The following SH3GL3 variants were observed in gnomAD, a reference collection of about 807,000 sequenced individuals.
SH3GL3 encodes the protein endophilin-A3.
Under a neutral mutation model 47.7 loss-of-function variants are expected in SH3GL3, and 33 were observed. The ratio of observed to expected loss-of-function variants is 0.69; its 90% CI spans 0.52 to 0.92. The LOEUF is 0.92. SH3GL3 is among the 40% of genes least tolerant of loss of function. The pLI is 0.00. For missense variants in SH3GL3, 363 were observed against 417.8 expected, an observed-to-expected ratio of 0.87 and a Z score of 1.14; for synonymous variants, 155 against 148.8, an observed-to-expected ratio of 1.04 and a Z score of -0.30.
chr15:83,554,919 T>C (rs972748397), intron 1 of SH3GL3, among the ~76,000 whole-genome samples: 2 of 152,224 alleles, frequency 1.3e-5, no homozygotes, highest in Non-Finnish European at 2.9e-5. Context: ...TTTCCTTCAA[T>C]TACAGAAGAT....
At chr15:83,572,471 T>A in intron 4 of SH3GL3, 94 bp from the exon 5 acceptor site, 1 of 1,074,252 alleles carries the variant, frequency 9.3e-7, no homozygotes. Flanking sequence ...TACACCATCA[T>A]CCACACACTT....
chr15:83,449,241 A>G (rs2039610594), intron 1 of SH3GL3, among the ~76,000 whole-genome samples: 1 of 152,158 alleles, frequency 6.6e-6, no homozygotes. Context: ...GGAAAGAAAG[A>G]ACTCGTAGAT....
intron 1 of SH3GL3, among the ~76,000 whole-genome samples, chr15:83,520,596 A>G (rs1020854384): frequency 6.6e-6 from 1 of 152,178 alleles, no homozygotes; most frequent in Non-Finnish European, 1.5e-5. Context: ...ACTGAGCTAC[A>G]TGCTTCAGAG....
chr15:83,567,193 C>G (rs910552953), intron 3 of SH3GL3, among the ~76,000 whole-genome samples: 1 of 152,114 alleles, frequency 6.6e-6, no homozygotes, highest in East Asian at 1.9e-4. Flanking sequence ...TTAGGTCAAA[C>G]CAGCCTACTC....
At chr15:83,481,568 A>C (rs569378398) in intron 1 of SH3GL3, among the ~76,000 whole-genome samples, 1 of 152,188 alleles carries the variant, frequency 6.6e-6, no homozygotes, top group Non-Finnish European at 1.5e-5. Context: ...ATATTTCTTA[A>C]GAGCTGAAAT....
chr15:83,604,710 C>T (rs1020367702), intron 8 of SH3GL3, among the ~76,000 whole-genome samples: 3 of 152,128 alleles, frequency 2.0e-5, no homozygotes, highest in African/African-American at 7.2e-5. Context: ...ATCTCTAGTA[C>T]TATTTTTAGT....
intron 4 of SH3GL3, among the ~76,000 whole-genome samples, chr15:83,570,231 G>C (rs1299326709): frequency 6.6e-6 from 1 of 152,066 alleles, no homozygotes; most frequent in Non-Finnish European, 1.5e-5. Context: ...CAAATAAATA[G>C]CTTGTTTCAG....
chr15:83,608,162 G>A (rs2060576321), intron 8 of SH3GL3, among the ~76,000 whole-genome samples: 1 of 152,188 alleles, frequency 6.6e-6, no homozygotes, highest in African/African-American at 2.4e-5. Flanking sequence ...GATTAAGCTT[G>A]AGTTCCATTG....
At chr15:83,510,735 TGAAG>T (rs2151628733) in intron 1 of SH3GL3, among the ~76,000 whole-genome samples, 1 of 152,166 alleles carries the variant, frequency 6.6e-6, no homozygotes, top group Non-Finnish European at 1.5e-5. Flanking sequence ...AAAGGGTCCA[TGAAG>T]CAGCTATGTG....
intron 1 of SH3GL3, among the ~76,000 whole-genome samples, chr15:83,513,614 T>C (rs935671366): frequency 6.6e-6 from 1 of 152,194 alleles, no homozygotes; most frequent in Non-Finnish European, 1.5e-5. Context: ...ACTTCCCTCA[T>C]GCTCCACCGC....
At chr15:83,572,312 G>T (rs773746473) in intron 4 of SH3GL3, among the ~76,000 whole-genome samples, 12 of 152,250 alleles carry the variant, frequency 7.9e-5, no homozygotes, top group Middle Eastern at 3.4e-3. Flanking sequence ...TGGTCCAAAT[G>T]GTAAGTACTT....
At chr15:83,610,262 C>T (rs929578449) in intron 8 of SH3GL3, among the ~76,000 whole-genome samples, 2 of 152,150 alleles carry the variant, frequency 1.3e-5, no homozygotes, top group Admixed American at 6.5e-5. Context: ...GAAGGCTGGG[C>T]GTGGTAGCTC....
chr15:83,476,073 A>G (rs1046095458), intron 1 of SH3GL3, among the ~76,000 whole-genome samples: 4 of 152,232 alleles, frequency 2.6e-5, no homozygotes, highest in Non-Finnish European at 5.9e-5. Context: ...TTTAATCCTC[A>G]TAACTATCAA....
At chr15:83,505,752 A>G (rs2042475660) in intron 1 of SH3GL3, among the ~76,000 whole-genome samples, 1 of 151,892 alleles carries the variant, frequency 6.6e-6, no homozygotes, top group African/African-American at 2.4e-5. Context: ...CTGGTCACGA[A>G]CTCCTGACCT....
intron 1 of SH3GL3, among the ~76,000 whole-genome samples, chr15:83,489,999 C>T (rs1420534741): frequency 6.6e-6 from 1 of 152,048 alleles, no homozygotes; most frequent in African/African-American, 2.4e-5. Context: ...AAAAGGGAAC[C>T]AAATACTGTC....
rs36096315 is a variant in SH3GL3 at position 83,517,205 on chromosome 15, CTTTTTTTTTTTT to C, written c.46-42042_46-42031del. On this transcript the variant is annotated intron_variant, in intron 1 of 8. Transcript: ENST00000427482. ...CTTTCTTTTCTTTTTCTTTTCTTTTCTTTTTTTTTTTTTTTTTGAGATGGAGTCTGGCTCTGT... is the reference window on the plus strand; with the variant it reads ...CTTTCTTTTCTTTTTCTTTTCTTTTCTTTTTGAGATGGAGTCTGGCTCTGT... 4.2e-4 allele frequency among the ~76,000 whole-genome samples: 46 copies of C among 109,682 alleles called. No individual in the cohort carries two copies. In the South Asian group the frequency reaches 0.015, roughly 35 times the overall value. The allele number at this position is 109,682 out of a possible 152,430, so 72.0% of individuals were successfully genotyped here.
intron 1 of SH3GL3, among the ~76,000 whole-genome samples, chr15:83,473,695 C>A (rs187097166): frequency 9.1e-4 from 138 of 151,832 alleles, no homozygotes; most frequent in African/African-American, 3.3e-3. Context: ...CGACAGGCAC[C>A]CGCCACCACG....
At chr15:83,473,894 C>G (rs1339984249) in intron 1 of SH3GL3, among the ~76,000 whole-genome samples, 2 of 149,920 alleles carry the variant, frequency 1.3e-5, no homozygotes, top group African/African-American at 2.5e-5. Context: ...TTCCGTGTTG[C>G]TGGCTTCTTC....
downstream of SH3GL3, among the ~76,000 whole-genome samples, chr15:83,620,592 G>A (rs1208032847): frequency 6.6e-6 from 1 of 152,206 alleles, no homozygotes; most frequent in Non-Finnish European, 1.5e-5. Flanking sequence ...GATCTCAACA[G>A]TAGGCTTAAA....
Sources: allele counts gnomAD v4.1 joint callset (sites outside exome capture counted in the v4.1 genomes callset), GRCh38; gene constraint gnomAD v4.1.1; transcripts MANE v1.5; gene names NCBI Gene and HGNC (gene_info 2026-07-23, HGNC 2026-07-21).